Variants in PLEKHF1 observed in about 807,000 individuals in gnomAD.
The protein encoded by PLEKHF1 is pleckstrin homology and FYVE domain containing 1.
In PLEKHF1, 1 loss-of-function variant was observed where a neutral mutation model predicts 4.1. The ratio of observed to expected loss-of-function variants is 0.24; its 90% CI spans 0.09 to 1.15. The LOEUF is 1.15. Ranked by LOEUF, PLEKHF1 falls within the 50% of genes most tolerant of loss-of-function variation. The probability of loss-of-function intolerance (pLI) is 0.52; values close to 1 mark genes in which losing one functional copy is unlikely to be tolerated. For missense variants in PLEKHF1, 429 were observed against 400.6 expected (o/e 1.07, Z -0.60); for synonymous variants, 182 against 178.5 (o/e 1.02, Z -0.16).
In PLEKHF1 at chr19:29,672,840, G is replaced by A. The variant is rs559583348; in HGVS notation, c.-16-984G>A. 2.6e-5 allele frequency among the ~76,000 whole-genome samples: 4 copies of A among 152,252 alleles called. No individual in the cohort carries two copies. In the East Asian group the frequency reaches 7.7e-4, roughly 29 times the overall value. On this transcript the variant is annotated intron_variant, in intron 1 of 1. Coordinates refer to ENST00000436066, the MANE Select transcript of PLEKHF1 (RefSeq NM_024310.5). ...TGGAGAGGCCAAGACTGGAGGCTTG[G>A]AATGGGGAATCTATGGCATTTATGG...
chr19:29,670,817 A>G (rs1260033937), intron 1 of PLEKHF1, among the ~76,000 whole-genome samples: 1 of 151,918 alleles, frequency 6.6e-6, no homozygotes, highest in Non-Finnish European at 1.5e-5. Flanking sequence ...AGCTGGGACT[A>G]CAGGCGCTCG....
Position 29,674,651 on chromosome 19 carries a change from G to A in PLEKHF1, c.812G>A (p.Gly271Glu), listed in dbSNP as rs754758313. ...WPSSVEFYASGVAWSAFHS is the reference protein window; with the variant it reads ...WPSSVEFYASEVAWSAFHS The stretch of plus-strand genomic sequence containing the variant: ...AGCAGCGTGGAGTTCTACGCCTCGG[G>A]GGTGGCCTGGTCTGCCTTCCACAGC... Residue 271 changes from glycine to glutamate, a missense_variant, in exon 2 of 2, where the codon GGG becomes GAG. Transcript: ENST00000436066. The A allele has an allele frequency of 3.7e-6, 6 of 1,608,872 alleles. No homozygotes were observed. The African/African-American group carries it at 8.0e-5, about 22-fold the overall frequency.
At chr19:29,673,776 C>G in intron 1 of PLEKHF1, 48 bp from the exon 2 acceptor site, 1 of 1,551,682 alleles carries the variant, frequency 6.4e-7, no homozygotes, top group Non-Finnish European at 8.7e-7. Flanking sequence ...GGTTCTGACA[C>G]CCCCATGCCT....
At position 29,669,462 on chromosome 19, in the gene PLEKHF1, C is replaced by T. The variant is rs568572260; in HGVS notation, c.-17+3957C>T. On this transcript the variant is annotated intron_variant, in intron 1 of 1. Coordinates refer to ENST00000436066, the MANE Select transcript of PLEKHF1 (RefSeq NM_024310.5). ...AGCACACAGCTGGGCTGGGGGCACA[C>T]GTGGCCTTGCTTCTTCGGGGCTCCT... 9.2e-5 allele frequency among the ~76,000 whole-genome samples: 14 copies of T among 152,338 alleles called. No individual in the cohort carries two copies. The South Asian group carries it at 2.5e-3, about 27-fold the overall frequency.
At chr19:29,669,304 C>A (rs1209479678) in intron 1 of PLEKHF1, among the ~76,000 whole-genome samples, 2 of 152,210 alleles carry the variant, frequency 1.3e-5, no homozygotes, top group Non-Finnish European at 2.9e-5. Flanking sequence ...GCTCAACAAG[C>A]CCCCAGGGTT....
intron 1 of PLEKHF1, among the ~76,000 whole-genome samples, chr19:29,670,188 T>A (rs1450697656): frequency 6.6e-6 from 1 of 152,174 alleles, no homozygotes; most frequent in African/African-American, 2.4e-5. Flanking sequence ...CGCCTTGGCC[T>A]CCCAAAATGC....
chr19:29,672,025 T>C (rs549840409), intron 1 of PLEKHF1, among the ~76,000 whole-genome samples: 1 of 152,056 alleles, frequency 6.6e-6, no homozygotes, highest in South Asian at 2.1e-4. Context: ...GTGCTTGGCA[T>C]GGCTCCAAGA....
Position 29,674,253 on chromosome 19 carries a change from C to T in PLEKHF1, c.414C>T (p.Gly138=), listed in dbSNP as rs1490173722. The T allele has an allele frequency of 3.1e-6, 5 of 1,607,794 alleles. No homozygotes were observed. Among genetic ancestry groups the T allele is most frequent in the Non-Finnish European group, 4.2e-6 (5 of 1,179,156 alleles). ...TGCGGCGGCAACTGAGGGCCACGGG[C>T]CGCCCGCCCAGCACGGAGCACGCGG... The part of the protein sequence containing the change: ...ECVRRQLRAT[G]RPPSTEHAAP... The change falls in exon 2 of 2, where the codon GGC becomes GGT. Residue 138 remains glycine, a synonymous_variant. Transcript: ENST00000436066.
Position 29,665,487 on chromosome 19 carries a change from C to A in PLEKHF1, c.-35C>A. The A allele has an allele frequency of 6.2e-6, 7 of 1,126,650 alleles. No homozygotes were observed. Among genetic ancestry groups the A allele is most frequent in the South Asian group, 1.4e-5 (1 of 70,848 alleles). 69.8% of individuals were successfully genotyped at this position (1,126,650 alleles called of 1,614,324 possible). A position where few individuals can be genotyped will look rare whatever the true frequency, so the allele number is the denominator to read the frequency against. On this transcript the variant is annotated 5_prime_UTR_variant, in exon 1 of 2. Transcript: ENST00000436066. ...CTGCGGTGTGGACTCGAGGGCTGGGCGCGGGGCCGGCGCAGAAGGTGAGTC... is the reference window on the plus strand; with the variant it reads ...CTGCGGTGTGGACTCGAGGGCTGGGAGCGGGGCCGGCGCAGAAGGTGAGTC...
chr19:29,674,697 A>T lies in PLEKHF1; in HGVS notation c.*18A>T. Reference sequence around the variant, plus strand: ...ACAGCTGACCCCCGGCCTGCAGAACATCTGTCCCCAAGCCAGCTCCACTGC... The same window carrying T: ...ACAGCTGACCCCCGGCCTGCAGAACTTCTGTCCCCAAGCCAGCTCCACTGC... On this transcript the variant is annotated 3_prime_UTR_variant, in exon 2 of 2. Coordinates refer to ENST00000436066, the MANE Select transcript of PLEKHF1 (RefSeq NM_024310.5). The T allele has an allele frequency of 6.3e-7, 1 of 1,579,312 alleles. No homozygotes were observed. The highest frequency in any genetic ancestry group is 8.6e-7 in the Non-Finnish European group (1 of 1,160,244).
chr19:29,671,012 G>A lies in PLEKHF1; in HGVS notation c.-16-2812G>A, dbSNP rs966572734. On this transcript the variant is annotated intron_variant, in intron 1 of 1. Coordinates refer to ENST00000436066, the MANE Select transcript of PLEKHF1 (RefSeq NM_024310.5). The surrounding 1 kb of genome is among the most constrained non-coding windows in gnomAD (Gnocchi z 4.0). The stretch of plus-strand genomic sequence containing the variant: ...GCTGTTTTCCTTAGGGGCTGCACCA[G>A]TTCCTATTCTCATCAGCAGTGCACA... Among the ~76,000 whole-genome samples the A allele has an allele frequency of 1.3e-5, 2 of 151,960 alleles. No homozygotes were observed. The highest frequency in any genetic ancestry group is 2.9e-5 in the Non-Finnish European group (2 of 68,018).
chr19:29,674,482 C>G lies in PLEKHF1; in HGVS notation c.643C>G (p.Gln215Glu). The G allele has an allele frequency of 6.5e-7, 1 of 1,544,544 alleles. No homozygotes were observed. The change falls in exon 2 of 2, where the codon CAG (glutamine) becomes GAG (glutamate). Residue 215 changes from glutamine (Q) to glutamate (E), a missense_variant. Physicochemically the swap from Gln to Glu is conservative, Grantham distance 29. Transcript: ENST00000436066. ...SLCYRELAAQ[Q>E]RQEEAEEQGA... ...CTGCTACCGCGAACTGGCCGCCCAG[C>G]AGCGGCAGGAGGAGGCGGAGGAGCA...
rs1971666584 is a variant in PLEKHF1 at position 29,674,136 on chromosome 19, C to T, written c.297C>T (p.Arg99=). 6.2e-7 allele frequency: 1 copy of T among 1,613,746 alleles called. No individual in the cohort carries two copies. The highest frequency in any genetic ancestry group is 8.5e-7 in the Non-Finnish European group (1 of 1,179,996). Residue 99 remains arginine, a synonymous_variant, in exon 2 of 2, where the codon CGC becomes CGT. Coordinates refer to ENST00000436066, the MANE Select transcript of PLEKHF1 (RefSeq NM_024310.5). ...CGGAGACGCTGCAGGCCAAGAACCG[C>T]TGGATGATCAAGACGGCCAAGAAGT... ...LLPETLQAKN[R]WMIKTAKKSF...
intron 1 of PLEKHF1, among the ~76,000 whole-genome samples, chr19:29,668,551 C>T (rs1289970982): frequency 6.6e-6 from 1 of 151,934 alleles, no homozygotes; most frequent in Non-Finnish European, 1.5e-5. Flanking sequence ...GAACCCTCGC[C>T]TCTAAAACAA....
rs1971632407 is a variant in PLEKHF1 at position 29,671,592 on chromosome 19, G to A, written c.-16-2232G>A. 6.6e-6 allele frequency among the ~76,000 whole-genome samples: 1 copy of A among 152,106 alleles called. No individual in the cohort carries two copies. The highest frequency in any genetic ancestry group is 6.6e-5 in the Admixed American group (1 of 15,258). ...AGTCATGGTGGGACAGGTCAGTTCT[G>A]TCACTGGTAATCCCCTAGGTTTGCA... On this transcript the variant is annotated intron_variant, in intron 1 of 1. Coordinates refer to ENST00000436066, the MANE Select transcript of PLEKHF1 (RefSeq NM_024310.5). This position sits in a 1 kb window ranked among gnomAD's most constrained non-coding sequence, Gnocchi z 4.0.
intron 1 of PLEKHF1, among the ~76,000 whole-genome samples, chr19:29,666,607 C>T (rs922446942): frequency 3.9e-5 from 6 of 152,164 alleles, no homozygotes; most frequent in Admixed American, 3.9e-4. Context: ...CAGGCAACAC[C>T]CGCTGGACTC....
At chr19:29,665,754 G>A (rs1448561426) in intron 1 of PLEKHF1, 13 of 1,073,722 alleles carry the variant, frequency 1.2e-5, no homozygotes, top group African/African-American at 3.5e-5. Context: ...GAGCGTCCGA[G>A]GCGGAATCCC....
At chr19:29,670,559 G>A (rs887861594) in intron 1 of PLEKHF1, among the ~76,000 whole-genome samples, 2 of 152,080 alleles carry the variant, frequency 1.3e-5, no homozygotes, top group Non-Finnish European at 2.9e-5. Flanking sequence ...TCCACCTCTT[G>A]GCTATTGTGA....
intron 1 of PLEKHF1, among the ~76,000 whole-genome samples, chr19:29,665,990 C>T (rs1028007940): frequency 6.6e-6 from 1 of 152,040 alleles, no homozygotes; most frequent in African/African-American, 2.4e-5. Context: ...CCCAGTTCCT[C>T]TGGAGCAGTT....
Sources: allele counts gnomAD v4.1 joint callset (sites outside exome capture counted in the v4.1 genomes callset), GRCh38; gene constraint gnomAD v4.1.1; non-coding constraint Gnocchi (gnomAD v3.1); transcripts MANE v1.5; gene names NCBI Gene and HGNC (gene_info 2026-07-23, HGNC 2026-07-21).